Variants in PLCB1 observed in about 807,000 individuals in gnomAD.
PLCB1 encodes phospholipase C beta 1, also known as 1-phosphatidylinositol 4,5-bisphosphate phosphodiesterase beta-1.
A neutral mutation model predicts 161.8 loss-of-function variants in PLCB1; 46 were observed. The observed-to-expected ratio is 0.28, with a 90% confidence interval of 0.22 to 0.36. The LOEUF (loss-of-function observed/expected upper bound fraction) is 0.36. Among genes scored for constraint, PLCB1 ranks in the 10% least tolerant of loss-of-function variants. The pLI is 1.00. For synonymous variants in PLCB1, 517 were observed against 503.7 expected (o/e 1.03, Z -0.35); for missense variants, 1,016 against 1,472.5 (o/e 0.69, Z 5.07).
At chr20:8,631,561 T>A (rs1392238866) in intron 4 of PLCB1, among the ~76,000 whole-genome samples, 1 of 152,182 alleles carries the variant, frequency 6.6e-6, no homozygotes, top group African/African-American at 2.4e-5. Flanking sequence ...CAGAGCAGAA[T>A]CAGCACTCTC....
chr20:8,790,350 G>T, intron 31 of PLCB1, 89 bp downstream of exon 31: 1 of 921,184 alleles, frequency 1.1e-6, no homozygotes, highest in South Asian at 1.5e-5. Flanking sequence ...TAAGTACCTT[G>T]TACACAGTCT....
intron 2 of PLCB1, among the ~76,000 whole-genome samples, chr20:8,363,917 A>G (rs956186658): frequency 6.6e-6 from 1 of 152,366 alleles, no homozygotes; most frequent in East Asian, 1.9e-4. Flanking sequence ...GAGATAATAC[A>G]TGCAAATTTT....
intron 23 of PLCB1, chr20:8,750,978 C>T (rs1981438140): frequency 1.6e-6 from 1 of 632,286 alleles, no homozygotes. Context: ...CTCAGTTGCC[C>T]AGGCTGGAGT....
chr20:8,644,000 T>C (rs1443912189), intron 4 of PLCB1, among the ~76,000 whole-genome samples: 2 of 152,238 alleles, frequency 1.3e-5, no homozygotes, highest in Admixed American at 6.5e-5. Flanking sequence ...TTTCGCTGTG[T>C]TGGCCGGGCT....
At chr20:8,787,582 T>C (rs956837319) in intron 27 of PLCB1, among the ~76,000 whole-genome samples, 3 of 152,244 alleles carry the variant, frequency 2.0e-5, no homozygotes, top group African/African-American at 7.2e-5. Context: ...TGAGTCCAGT[T>C]GCTACAGCCA....
intron 11 of PLCB1, among the ~76,000 whole-genome samples, chr20:8,705,150 A>ATGACCCAGTCAAGT (rs1335148803): frequency 1.3e-5 from 2 of 152,040 alleles, no homozygotes; most frequent in African/African-American, 2.4e-5. Context: ...TGGGCACCCC[A>ATGACCCAGTCAAGT]TGACCCAGTC....
At chr20:8,590,864 GTTTGT>G (rs1412263387) in intron 3 of PLCB1, among the ~76,000 whole-genome samples, 1 of 152,002 alleles carries the variant, frequency 6.6e-6, no homozygotes, top group Non-Finnish European at 1.5e-5. Context: ...GGACGTGCAG[GTTTGT>G]TACATAGGTA....
chr20:8,417,055 A>ATC, intron 3 of PLCB1, among the ~76,000 whole-genome samples: 1 of 50,446 alleles, frequency 2.0e-5, no homozygotes, highest in Non-Finnish European at 4.0e-5. Context: ...ACACACACAC[A>ATC]TATATATATA....
intron 13 of PLCB1, 58 bp downstream of exon 13, chr20:8,716,406 T>C (rs1196018389): frequency 1.8e-5 from 22 of 1,250,204 alleles, no homozygotes; most frequent in Non-Finnish European, 4.7e-6. Flanking sequence ...TGAATGAGGT[T>C]GAGGGAAAAC....
chr20:8,444,682 C>T (rs1261311592), intron 3 of PLCB1, among the ~76,000 whole-genome samples: 2 of 152,212 alleles, frequency 1.3e-5, no homozygotes, highest in Admixed American at 1.3e-4. Context: ...AAAAGTGTTC[C>T]TGTTTCTCCA....
intron 3 of PLCB1, among the ~76,000 whole-genome samples, chr20:8,605,700 GT>G (rs1987738201): frequency 6.7e-6 from 1 of 148,978 alleles, no homozygotes; most frequent in African/African-American, 2.5e-5. Context: ...ACATGGACAA[GT>G]TTCATAATGC....
chr20:8,499,922 A>G (rs1411380064), intron 3 of PLCB1, among the ~76,000 whole-genome samples: 1 of 152,212 alleles, frequency 6.6e-6, no homozygotes, highest in African/African-American at 2.4e-5. Context: ...CTTCTAGTCT[A>G]TTAAACATTA....
At chr20:8,592,864 C>T (rs1987192372) in intron 3 of PLCB1, among the ~76,000 whole-genome samples, 1 of 152,160 alleles carries the variant, frequency 6.6e-6, no homozygotes, top group Admixed American at 6.6e-5. Flanking sequence ...CACAGTGATG[C>T]TGCAGGGAAG....
At chr20:8,626,909 C>T (rs947437972) in intron 3 of PLCB1, among the ~76,000 whole-genome samples, 1 of 152,178 alleles carries the variant, frequency 6.6e-6, no homozygotes, top group African/African-American at 2.4e-5. Flanking sequence ...CGAACATTCT[C>T]CTTTAATCTT....
At chr20:8,550,918 A>G (rs1388209027) in intron 3 of PLCB1, among the ~76,000 whole-genome samples, 1 of 152,090 alleles carries the variant, frequency 6.6e-6, no homozygotes, top group Non-Finnish European at 1.5e-5. Context: ...AATTTCTATC[A>G]GGAGTGGATT....
At chr20:8,339,821 G>C (rs180927604) in intron 2 of PLCB1, among the ~76,000 whole-genome samples, 71 of 152,172 alleles carry the variant, frequency 4.7e-4, no homozygotes, top group Admixed American at 3.6e-3. Context: ...AAAGTTAATG[G>C]GGCCAGGCAC....
chr20:8,199,378 A>G (rs961284211), intron 2 of PLCB1, among the ~76,000 whole-genome samples: 1 of 152,198 alleles, frequency 6.6e-6, no homozygotes, highest in African/African-American at 2.4e-5. Context: ...GTCTTATTGC[A>G]TATAGTTAAA....
chr20:8,314,660 A>T (rs1984556074), intron 2 of PLCB1, among the ~76,000 whole-genome samples: 1 of 152,250 alleles, frequency 6.6e-6, no homozygotes, highest in Non-Finnish European at 1.5e-5. Context: ...GGCCCATAGT[A>T]AGCACTGAAT....
rs1983817570 is a variant in PLCB1 at position 8,510,093 on chromosome 20, G to A, written c.247-118201G>A. Among the ~76,000 whole-genome samples the A allele has an allele frequency of 2.0e-5, 3 of 152,274 alleles. No individual in the cohort carries two copies. In the South Asian group the frequency reaches 6.2e-4, roughly 32 times the overall value. On this transcript the variant is annotated intron_variant, in intron 3 of 31. Coordinates refer to ENST00000338037, the MANE Select transcript of PLCB1 (RefSeq NM_015192.4). ...TGATTGACTGATTAATGTAGATTTT[G>A]TAGGTGATAAGGGACAAAAAGCCTG...
Sources: gnomAD v4.1 joint callset for allele counts (sites outside exome capture counted in the v4.1 genomes callset) on GRCh38, gnomAD v4.1.1 for gene constraint, MANE v1.5 for transcripts, NCBI Gene and HGNC (gene_info 2026-07-23, HGNC 2026-07-21) for gene names.